The following ACOXL variants were observed in gnomAD, a reference collection of about 807,000 sequenced individuals.
ACOXL encodes the protein acyl-CoA oxidase like, also known as acyl-coenzyme A oxidase-like protein.
ACOXL carries 70 observed loss-of-function variants against 71.9 expected under a neutral mutation model. The ratio of observed to expected loss-of-function variants is 0.97; its 90% CI spans 0.80 to 1.19. ACOXL has a LOEUF of 1.19. Among genes scored for constraint, ACOXL ranks in the 50% most tolerant of loss-of-function variants. ACOXL has a pLI of 0.00. For missense variants in ACOXL, 703 were observed against 736.3 expected, an observed-to-expected ratio of 0.95 and a Z score of 0.52; for synonymous variants, 253 against 281.6, an observed-to-expected ratio of 0.90 and a Z score of 1.02.
At chr2:110,968,152 C>T (rs552229107) in intron 12 of ACOXL, 11 of 1,287,654 alleles carry the variant, frequency 8.5e-6, no homozygotes, top group East Asian at 6.9e-5. Flanking sequence ...GCTGCTGGCC[C>T]GCAGGCTTCT....
intron 1 of ACOXL, among the ~76,000 whole-genome samples, chr2:110,750,753 G>A (rs1391498525): frequency 6.6e-6 from 1 of 151,588 alleles, no homozygotes; most frequent in East Asian, 1.9e-4. Flanking sequence ...CTGGAGTGCA[G>A]TGGCACAATC....
intron 8 of ACOXL, 141 bp from the exon 9 acceptor site, chr2:110,805,122 C>T (rs1027790045): frequency 1.6e-5 from 18 of 1,102,004 alleles, no homozygotes; most frequent in South Asian, 3.0e-5. Context: ...CTGCCCTTAT[C>T]GGCGCTCTGT....
intron 10 of ACOXL, among the ~76,000 whole-genome samples, chr2:110,872,391 G>A (rs1048446131): frequency 6.6e-6 from 1 of 152,240 alleles, no homozygotes; most frequent in Admixed American, 6.5e-5. Context: ...GTTTGTAGCG[G>A]GTGCAATACC....
chr2:111,033,243 A>G (rs2065356282), intron 15 of ACOXL, among the ~76,000 whole-genome samples: 1 of 152,150 alleles, frequency 6.6e-6, no homozygotes, highest in African/African-American at 2.4e-5. Context: ...AAGGCACAGG[A>G]TTGGGTCCCG....
chr2:110,738,846 G>T (rs968067791), intron 1 of ACOXL, among the ~76,000 whole-genome samples: 9 of 151,858 alleles, frequency 5.9e-5, no homozygotes, highest in African/African-American at 2.2e-4. Context: ...CCATCTCTTT[G>T]TCTTTTGGTT....
At chr2:110,863,938 G>C (rs781348466) in intron 10 of ACOXL, among the ~76,000 whole-genome samples, 1 of 152,046 alleles carries the variant, frequency 6.6e-6, no homozygotes, top group Non-Finnish European at 1.5e-5. Flanking sequence ...GTTTCCCTGG[G>C]GGTGCACCTA....
intron 12 of ACOXL, among the ~76,000 whole-genome samples, chr2:110,973,926 A>C (rs951832255): frequency 1.3e-5 from 2 of 152,180 alleles, no homozygotes; most frequent in African/African-American, 4.8e-5. Flanking sequence ...CCCTGAATAC[A>C]TAGCTTAGTG....
At chr2:110,775,797 CGGT>C (rs1682561726) in intron 2 of ACOXL, among the ~76,000 whole-genome samples, 1 of 152,056 alleles carries the variant, frequency 6.6e-6, no homozygotes, top group South Asian at 2.1e-4. Flanking sequence ...TGTGCATTGT[CGGT>C]GGTGATGTGG....
At chr2:111,109,871 G>T (rs1005460832) in intron 17 of ACOXL, among the ~76,000 whole-genome samples, 2 of 151,502 alleles carry the variant, frequency 1.3e-5, no homozygotes, top group Non-Finnish European at 2.9e-5. Flanking sequence ...TAGAGACAGG[G>T]TTTCACTATG....
chr2:110,771,981 G>A (rs1275168140), intron 2 of ACOXL, among the ~76,000 whole-genome samples: 2 of 152,342 alleles, frequency 1.3e-5, no homozygotes, highest in East Asian at 3.9e-4. Context: ...CTGACAGCCT[G>A]CACTGATCTT....
rs1375811332 is a variant in ACOXL at position 110,746,251 on chromosome 2, C to A, written c.-23+13477C>A. Among the ~76,000 whole-genome samples, 3 of 152,078 alleles carry A rather than the reference C, an allele frequency of 2.0e-5. No homozygotes were observed. The East Asian group carries it at 5.8e-4, about 29-fold the overall frequency. Reference sequence around the variant, plus strand: ...AATGCCTTTACGGAACATATGCAAACCTCTGTTTTTTTTCAACAGTGTCTA... The same window carrying A: ...AATGCCTTTACGGAACATATGCAAAACTCTGTTTTTTTTCAACAGTGTCTA... On this transcript the variant is annotated intron_variant, in intron 1 of 17. Transcript: ENST00000439055.
intron 10 of ACOXL, among the ~76,000 whole-genome samples, chr2:110,903,260 G>C (rs1244231802): frequency 6.6e-6 from 1 of 152,252 alleles, no homozygotes; most frequent in Non-Finnish European, 1.5e-5. Context: ...CCCAGAGGCT[G>C]CGCCTGCAGT....
intron 5 of ACOXL, among the ~76,000 whole-genome samples, chr2:110,796,904 C>T (rs970221124): frequency 6.6e-6 from 1 of 152,188 alleles, no homozygotes; most frequent in African/African-American, 2.4e-5. Context: ...AAAGTGTTGT[C>T]TATATACTTT....
At chr2:110,738,316 C>T (rs918833424) in intron 1 of ACOXL, among the ~76,000 whole-genome samples, 8 of 152,162 alleles carry the variant, frequency 5.3e-5, no homozygotes, top group South Asian at 2.1e-4. Context: ...TTTAACTTTC[C>T]GAGTTTTGGG....
chr2:110,879,468 T>A (rs777064595), intron 10 of ACOXL, among the ~76,000 whole-genome samples: 1 of 152,148 alleles, frequency 6.6e-6, no homozygotes, highest in East Asian at 1.9e-4. Context: ...ACTGAGAACA[T>A]ATATTACCAA....
At chr2:110,977,379 G>A (rs1222390865) in intron 12 of ACOXL, among the ~76,000 whole-genome samples, 11 of 139,870 alleles carry the variant, frequency 7.9e-5, no homozygotes, top group Admixed American at 4.7e-4. Context: ...GTGAGACTCC[G>A]TCTCAAAAAA....
intron 16 of ACOXL, among the ~76,000 whole-genome samples, chr2:111,053,748 G>T (rs796748566): frequency 8.5e-5 from 13 of 152,316 alleles, no homozygotes; most frequent in African/African-American, 3.1e-4. Flanking sequence ...TACATATCTG[G>T]CAGCAGCTGC....
intron 17 of ACOXL, among the ~76,000 whole-genome samples, chr2:111,112,517 C>G (rs541108292): frequency 3.9e-4 from 60 of 152,240 alleles, no homozygotes; most frequent in Non-Finnish European, 7.8e-4. Context: ...GACCTACCAT[C>G]TGATCCTTTA....
chr2:111,019,630 C>G (rs2149701727), intron 14 of ACOXL, among the ~76,000 whole-genome samples: 1 of 152,344 alleles, frequency 6.6e-6, no homozygotes, highest in East Asian at 1.9e-4. Context: ...ACTCCTGGAA[C>G]TCGTGTGTGT....
Sources: gnomAD v4.1 joint callset for allele counts (sites outside exome capture counted in the v4.1 genomes callset) on GRCh38, gnomAD v4.1.1 for gene constraint, MANE v1.5 for transcripts, NCBI Gene and HGNC (gene_info 2026-07-23, HGNC 2026-07-21) for gene names.